Variants in HOOK3 observed in about 807,000 individuals in gnomAD.
HOOK3 encodes the protein hook microtubule tethering protein 3.
A neutral mutation model predicts 116.3 loss-of-function variants in HOOK3; 24 were observed. That is an observed-to-expected ratio of 0.21 (90% CI 0.15 to 0.29). The LOEUF (loss-of-function observed/expected upper bound fraction) is 0.29, where lower values mean the gene tolerates loss of function less well. HOOK3 is among the 10% of genes least tolerant of loss of function. The probability of loss-of-function intolerance (pLI) is 1.00; values close to 1 mark genes in which losing one functional copy is unlikely to be tolerated. For missense variants in HOOK3, 632 were observed against 830.2 expected (o/e 0.76, Z 2.93); for synonymous variants, 275 against 283.0 (o/e 0.97, Z 0.28).
Position 43,029,530 on chromosome 8 carries a change from T to G in HOOK3, c.*11032T>G, listed in dbSNP as rs771807617. On this transcript the variant is annotated 3_prime_UTR_variant, in exon 22 of 22. Coordinates refer to ENST00000307602, the MANE Select transcript of HOOK3 (RefSeq NM_032410.4). ...CATCGCTGTCATGAACTTTGCTGTT[T>G]ACAGGTTCTGTGTAATTCAGAATGC... The G allele has an allele frequency of 1.6e-5, 3 of 186,470 alleles. No individual in the cohort carries two copies. Among genetic ancestry groups the G allele is most frequent in the African/African-American group, 2.3e-5 (1 of 42,720 alleles). The allele number at this position is 186,470 out of a possible 1,614,324, so 11.6% of individuals were successfully genotyped here.
At chr8:42,968,902 C>T (rs1332426730) in intron 11 of HOOK3, among the ~76,000 whole-genome samples, 1 of 152,110 alleles carries the variant, frequency 6.6e-6, no homozygotes, top group African/African-American at 2.4e-5. Flanking sequence ...ATATATTTAT[C>T]CCTAAAAATT....
chr8:42,923,778 G>T (rs747522805), intron 2 of HOOK3, among the ~76,000 whole-genome samples: 44 of 152,170 alleles, frequency 2.9e-4, no homozygotes, highest in Non-Finnish European at 5.3e-4. Flanking sequence ...AAAATGCATT[G>T]TGTACTGTAA....
rs986307638 is a variant in HOOK3 at position 43,021,993 on chromosome 8, T to G, written c.*3495T>G. 5.5e-6 allele frequency: 1 copy of G among 181,854 alleles called. No homozygotes were observed. The highest frequency in any genetic ancestry group is 1.2e-5 in the Non-Finnish European group (1 of 85,454). The allele number at this position is 181,854 out of a possible 1,614,324, so 11.3% of individuals were successfully genotyped here. ...CTACATTTATAATTTTCATTCTCTT[T>G]TACCTATAAAATTCAGTGTATTAGT... On this transcript the variant is annotated 3_prime_UTR_variant, in exon 22 of 22. Transcript: ENST00000307602.
intron 2 of HOOK3, among the ~76,000 whole-genome samples, chr8:42,915,590 C>T (rs894679852): frequency 3.3e-5 from 5 of 152,062 alleles, no homozygotes; most frequent in Non-Finnish European, 7.4e-5. Flanking sequence ...CACCACCATG[C>T]CCAGCTAATT....
At chr8:43,004,920 G>A (rs1287317513) in intron 17 of HOOK3, among the ~76,000 whole-genome samples, 1 of 151,900 alleles carries the variant, frequency 6.6e-6, no homozygotes, top group Non-Finnish European at 1.5e-5. Context: ...GTGCATACCA[G>A]GAGGCATTTA....
At chr8:42,991,638 G>GT (rs1184216900) in intron 15 of HOOK3, among the ~76,000 whole-genome samples, 1 of 152,146 alleles carries the variant, frequency 6.6e-6, no homozygotes, top group Non-Finnish European at 1.5e-5. Flanking sequence ...CTGACCTCAG[G>GT]TGATCCACCC....
chr8:43,014,483 C>T (rs990696469), intron 21 of HOOK3, among the ~76,000 whole-genome samples: 6 of 151,852 alleles, frequency 4.0e-5, no homozygotes, highest in African/African-American at 1.4e-4. Context: ...TTCCAAGTAG[C>T]TGGGACTACA....
chr8:42,902,275 TC>T (rs1173868428), intron 1 of HOOK3, among the ~76,000 whole-genome samples: 15 of 149,748 alleles, frequency 1.0e-4, no homozygotes, highest in African/African-American at 3.7e-4. Flanking sequence ...TCTCTCTCTC[TC>T]TTTTTTTTTT....
intron 14 of HOOK3, among the ~76,000 whole-genome samples, chr8:42,983,447 A>G (rs746790103): frequency 2.0e-5 from 3 of 152,016 alleles, no homozygotes; most frequent in Non-Finnish European, 2.9e-5. Flanking sequence ...TCCCTCAATC[A>G]TACCTTATAT....
intron 1 of HOOK3, among the ~76,000 whole-genome samples, chr8:42,898,416 T>A (rs551026500): frequency 6.6e-6 from 1 of 152,188 alleles, no homozygotes; most frequent in African/African-American, 2.4e-5. Context: ...AGGAGATGGC[T>A]TTCACTGCTG....
chr8:42,919,911 C>G (rs1331946684), intron 2 of HOOK3, among the ~76,000 whole-genome samples: 1 of 150,664 alleles, frequency 6.6e-6, no homozygotes, highest in Non-Finnish European at 1.5e-5. Flanking sequence ...AGCCTTGGCT[C>G]GGCATCAGAG....
rs189985993 is a variant in HOOK3, at chr8:42,897,689, G to A, written c.57+501G>A. 1.2e-3 allele frequency among the ~76,000 whole-genome samples: 188 copies of A among 152,370 alleles called. 1 individual carries two copies. Among genetic ancestry groups the A allele is most frequent in the African/African-American group, 4.2e-3 (176 of 41,592 alleles). ...GGGGCGGACGCCTGTCAGAGGCGTC[G>A]GGCAGACGTTTAAAGGAGTCTGGAG... is the stretch of plus-strand genomic sequence containing the variant. On this transcript the variant is annotated intron_variant, in intron 1 of 21. Coordinates refer to ENST00000307602, the MANE Select transcript of HOOK3 (RefSeq NM_032410.4).
chr8:43,028,885 T>A lies in HOOK3; in HGVS notation c.*10387T>A, dbSNP rs1809978559. ...AATTTTTGTAATCAAGCAACAGACT[T>A]GATCCAGCAGTGTCGAATTCCAAGC... is the stretch of plus-strand genomic sequence containing the variant. On this transcript the variant is annotated 3_prime_UTR_variant, in exon 22 of 22. Transcript: ENST00000307602. 4.9e-6 allele frequency: 1 copy of A among 202,368 alleles called. No individual in the cohort carries two copies. The highest frequency in any genetic ancestry group is 6.0e-5 in the Admixed American group (1 of 16,718). 12.5% of individuals were successfully genotyped at this position (202,368 alleles called of 1,614,324 possible). A position where few individuals can be genotyped will look rare whatever the true frequency, so the allele number is the denominator to read the frequency against.
chr8:42,914,249 G>A (rs1563289732), intron 2 of HOOK3, among the ~76,000 whole-genome samples: 1 of 152,064 alleles, frequency 6.6e-6, no homozygotes, highest in Admixed American at 6.5e-5. Context: ...AATTTGGGTG[G>A]ATATAGTACT....
intron 5 of HOOK3, among the ~76,000 whole-genome samples, chr8:42,946,402 C>T (rs896211744): frequency 6.6e-6 from 1 of 152,084 alleles, no homozygotes; most frequent in African/African-American, 2.4e-5. Flanking sequence ...AAAAACCCAC[C>T]ACACTATAAT....
rs904597567 is a variant in HOOK3, at chr8:43,024,812, G to A, written c.*6314G>A. 4.9e-6 allele frequency: 1 copy of A among 205,600 alleles called. No individual in the cohort carries two copies. Among genetic ancestry groups the A allele is most frequent in the Non-Finnish European group, 9.9e-6 (1 of 100,534 alleles). 12.7% of individuals were successfully genotyped at this position (205,600 alleles called of 1,614,324 possible). On this transcript the variant is annotated 3_prime_UTR_variant, in exon 22 of 22. Coordinates refer to ENST00000307602, the MANE Select transcript of HOOK3 (RefSeq NM_032410.4). ...AAACATAACATAATATGCTAACAGA[G>A]CTAATTTCCACCCAATCCCTCAAAT...
chr8:42,928,209 G>A (rs1807805948), intron 3 of HOOK3, among the ~76,000 whole-genome samples: 1 of 152,156 alleles, frequency 6.6e-6, no homozygotes, highest in African/African-American at 2.4e-5. Context: ...AACCTGGGAG[G>A]TGGAGGTTGC....
At chr8:43,013,721 T>G (rs1227777271) in intron 21 of HOOK3, among the ~76,000 whole-genome samples, 1 of 152,230 alleles carries the variant, frequency 6.6e-6, no homozygotes, top group African/African-American at 2.4e-5. Context: ...AGTTTTTGTT[T>G]TGTGGGATTA....
At chr8:42,940,713 G>C (rs547907468) in intron 4 of HOOK3, among the ~76,000 whole-genome samples, 79 of 152,188 alleles carry the variant, frequency 5.2e-4, no homozygotes, top group African/African-American at 1.9e-3. Context: ...TGGTGAATCT[G>C]ACGATTATGT....
Sources: allele counts gnomAD v4.1 joint callset (sites outside exome capture counted in the v4.1 genomes callset), GRCh38; gene constraint gnomAD v4.1.1; transcripts MANE v1.5; gene names NCBI Gene and HGNC (gene_info 2026-07-23, HGNC 2026-07-21).